BEAN1: variants seen among roughly 807,000 people sequenced by gnomAD.
BEAN1 encodes the protein brain expressed associated with NEDD4 1.
Under a neutral mutation model 17.7 loss-of-function variants are expected in BEAN1, and 17 were observed. That is an observed-to-expected ratio of 0.96 (90% confidence interval 0.66 to 1.44). The LOEUF is 1.44. Among genes scored for constraint, BEAN1 ranks in the 40% most tolerant of loss-of-function variants. BEAN1 has a pLI of 0.00. For synonymous variants in BEAN1, 142 were observed against 151.8 expected, an observed-to-expected ratio of 0.94 and a Z score of 0.47; for missense variants, 359 against 374.1, an observed-to-expected ratio of 0.96 and a Z score of 0.33.
At chr16:66,484,316 A>G (rs1390102734), downstream of BEAN1, 2 of 335,130 alleles carry the variant, frequency 6.0e-6, no homozygotes, top group African/African-American at 4.3e-5. This position sits in a 1 kb window ranked among gnomAD's most constrained non-coding sequence, Gnocchi z 4.2. Context: ...GCTGCCCCCA[A>G]CCGAAACCAC....
chr16:66,451,056 T>C (rs151207657), intron 2 of BEAN1: 2 of 153,526 alleles, frequency 1.3e-5, no homozygotes, highest in African/African-American at 4.8e-5. Flanking sequence ...AGACATATTA[T>C]ACTCTGTTAA....
At chr16:66,494,713 G>T (rs1008891532), downstream of BEAN1, among the ~76,000 whole-genome samples, 15 of 152,206 alleles carry the variant, frequency 9.9e-5, no homozygotes, top group Admixed American at 8.5e-4. Context: ...CGGCTAATTT[G>T]TTGGGAGCTC....
intron 4 of BEAN1, among the ~76,000 whole-genome samples, chr16:66,480,066 C>T (rs1316065491): frequency 6.6e-6 from 1 of 152,118 alleles, no homozygotes; most frequent in Non-Finnish European, 1.5e-5. Flanking sequence ...TGGCCTTCCA[C>T]CTTCACCCCT....
In BEAN1 at chr16:66,434,633, G is replaced by A. The variant is rs1961943593; in HGVS notation, c.-82-2962G>A. On this transcript the variant is annotated intron_variant, in intron 1 of 4. Transcript: ENST00000536005. This position sits in a 1 kb window ranked among gnomAD's most constrained non-coding sequence, Gnocchi z 4.3. ...CTGGGGTGCTAGGAGGTTGCAGCGG[G>A]AGGCTGTGTTTAAAGTGCTGATGGC... Among the ~76,000 whole-genome samples, 1 of 152,184 alleles carries A rather than the reference G, an allele frequency of 6.6e-6. No homozygotes were observed. The highest frequency in any genetic ancestry group is 1.5e-5 in the Non-Finnish European group (1 of 68,036).
At position 66,458,626 on chromosome 16, in the gene BEAN1, A is replaced by G. The variant is rs117241921; in HGVS notation, c.26-10976A>G. Reference sequence around the variant, plus strand: ...CTCTCTCCTTCTGCTCTGTGCTACTATTTGATAAATTATCAGATAAACCTG... The same window carrying G: ...CTCTCTCCTTCTGCTCTGTGCTACTGTTTGATAAATTATCAGATAAACCTG... On this transcript the variant is annotated intron_variant, in intron 2 of 4. Coordinates refer to ENST00000536005, the MANE Select transcript of BEAN1 (RefSeq NM_001178020.3). 4.5e-3 allele frequency among the ~76,000 whole-genome samples: 644 copies of G among 142,064 alleles called. 14 individuals are homozygous for G. Among genetic ancestry groups the G allele is most frequent in the Admixed American group, 0.035 (451 of 12,818 alleles). 93.2% of individuals were successfully genotyped at this position (142,064 alleles called of 152,430 possible). A position where few individuals can be genotyped will look rare whatever the true frequency, so the allele number is the denominator to read the frequency against.
intron 2 of BEAN1, among the ~76,000 whole-genome samples, chr16:66,441,673 G>A (rs1962262303): frequency 2.0e-5 from 3 of 152,170 alleles, no homozygotes; most frequent in South Asian, 2.1e-4. Flanking sequence ...AGGAGTCAGT[G>A]CACGTGAGGT....
chr16:66,480,190 A>G (rs1342425243), intron 4 of BEAN1, among the ~76,000 whole-genome samples: 2 of 152,028 alleles, frequency 1.3e-5, no homozygotes, highest in African/African-American at 4.8e-5. Flanking sequence ...CTAAACTGAG[A>G]AGGGGAACTT....
At chr16:66,469,547 G>A (rs1963386467) in intron 2 of BEAN1, 55 bp from the exon 3 acceptor site, 2 of 1,475,250 alleles carry the variant, frequency 1.4e-6, no homozygotes, top group Non-Finnish European at 9.1e-7. Flanking sequence ...GGCAGAGAAG[G>A]AAGGGGTGTG....
rs115485381 is a variant in BEAN1 at position 66,452,866 on chromosome 16, T to C, written c.25+15165T>C. On this transcript the variant is annotated intron_variant, in intron 2 of 4. Transcript: ENST00000536005. Reference sequence around the variant, plus strand: ...TCCCCAGGATGGAGAGAGGATATCATATTATTCCCTGGTCTATGGAGTCAG... The same window carrying C: ...TCCCCAGGATGGAGAGAGGATATCACATTATTCCCTGGTCTATGGAGTCAG... Among the ~76,000 whole-genome samples, 270 of 152,202 alleles carry C rather than the reference T, an allele frequency of 1.8e-3. 1 individual carries two copies. The highest frequency in any genetic ancestry group is 6.8e-3 in the Middle Eastern group (2 of 294).
intron 2 of BEAN1, among the ~76,000 whole-genome samples, chr16:66,456,226 T>A (rs1962861407): frequency 6.6e-6 from 1 of 152,250 alleles, no homozygotes; most frequent in Admixed American, 6.5e-5. Context: ...GTGGGATAGC[T>A]GATGAAAATT....
At chr16:66,467,175 G>A (rs911075238) in intron 2 of BEAN1, among the ~76,000 whole-genome samples, 4 of 152,132 alleles carry the variant, frequency 2.6e-5, no homozygotes, top group Non-Finnish European at 4.4e-5. Flanking sequence ...ATGTTCTTAC[G>A]CTAAAGACAG....
downstream of BEAN1, chr16:66,486,060 C>G (rs1187107473): frequency 1.3e-5 from 2 of 152,214 alleles, no homozygotes; most frequent in Admixed American, 6.5e-5. Context: ...CCCATCAGAA[C>G]AAAAGTATGG....
In BEAN1 at chr16:66,481,572, C is replaced by G. The variant is rs1963988038; in HGVS notation, c.*647C>G. 1 of 251,738 alleles carries G rather than the reference C, an allele frequency of 4.0e-6. No individual in the cohort carries two copies. The allele number at this position is 251,738 out of a possible 1,614,324, so 15.6% of individuals were successfully genotyped here. On this transcript the variant is annotated 3_prime_UTR_variant, in exon 5 of 5. Coordinates refer to ENST00000536005, the MANE Select transcript of BEAN1 (RefSeq NM_001178020.3). The surrounding 1 kb of genome is among the most constrained non-coding windows in gnomAD (Gnocchi z 4.1). ...CTCAGGCGCAAACTGGAGGCCCTCA[C>G]AGCCCACTAGGCCCCCTCCCAACCC...
At chr16:66,435,228 G>A (rs1961968204) in intron 1 of BEAN1, among the ~76,000 whole-genome samples, 1 of 152,098 alleles carries the variant, frequency 6.6e-6, no homozygotes, top group Admixed American at 6.5e-5. Flanking sequence ...TAACTGAGAG[G>A]CACTGGGGGT....
intron 2 of BEAN1, among the ~76,000 whole-genome samples, chr16:66,453,721 A>C (rs1294415545): frequency 6.8e-6 from 1 of 146,574 alleles, no homozygotes; most frequent in East Asian, 2.1e-4. Flanking sequence ...ATTTAGAAGC[A>C]TGTAGTTTAA....
rs114202223 is a variant in BEAN1, at chr16:66,452,812, G to A, written c.25+15111G>A. On this transcript the variant is annotated intron_variant, in intron 2 of 4. Transcript: ENST00000536005. ...CACTTACCCCAATGCCCAACTGTAC[G>A]GCCCCAGAGTAACGAAGGGACACAC... Among the ~76,000 whole-genome samples the A allele has an allele frequency of 1.8e-3, 281 of 152,160 alleles. 2 individuals carry two copies. Among genetic ancestry groups the A allele is most frequent in the Middle Eastern group, 6.8e-3 (2 of 294 alleles).
intron 2 of BEAN1, among the ~76,000 whole-genome samples, chr16:66,448,236 T>TTGC (rs1962528418): frequency 6.6e-6 from 1 of 151,826 alleles, no homozygotes; most frequent in African/African-American, 2.4e-5. Context: ...TTGTTTGTTG[T>TTGC]TGTTTTTAGT....
intron 2 of BEAN1, among the ~76,000 whole-genome samples, chr16:66,461,398 G>A (rs908327547): frequency 1.3e-5 from 2 of 152,126 alleles, no homozygotes; most frequent in African/African-American, 4.8e-5. Context: ...CATCTTGCAG[G>A]CATGGGTGAT....
intron 1 of BEAN1, among the ~76,000 whole-genome samples, chr16:66,433,540 C>T (rs1182073833): frequency 6.6e-6 from 1 of 152,218 alleles, no homozygotes; most frequent in Non-Finnish European, 1.5e-5. Flanking sequence ...CTGTTTCCCT[C>T]ACCTGGCGCC....
Sources: allele counts gnomAD v4.1 joint callset (sites outside exome capture counted in the v4.1 genomes callset), GRCh38; gene constraint gnomAD v4.1.1; non-coding constraint Gnocchi (gnomAD v3.1); transcripts MANE v1.5; gene names NCBI Gene and HGNC (gene_info 2026-07-23, HGNC 2026-07-21).